PLEKHA6: variants seen among roughly 807,000 people sequenced by gnomAD.
PLEKHA6 encodes the protein pleckstrin homology domain-containing family A member 6.
PLEKHA6 carries 60 observed loss-of-function variants against 116.7 expected under a neutral mutation model. That is an observed-to-expected ratio of 0.51 (90% CI 0.42 to 0.64). PLEKHA6 has a LOEUF of 0.64. PLEKHA6 is among the 30% of genes least tolerant of loss of function. The pLI is 0.00. For synonymous variants in PLEKHA6, 489 were observed against 556.1 expected (o/e 0.88, Z 1.70); for missense variants, 1,338 against 1,422.7 (o/e 0.94, Z 0.96).
At position 204,268,273 on chromosome 1, in the gene PLEKHA6, G is replaced by A. The variant is rs757944921; in HGVS notation, c.142C>T (p.Arg48Cys). 1.6e-5 allele frequency: 25 copies of A among 1,612,398 alleles called. No homozygotes were observed. Among genetic ancestry groups the A allele is most frequent in the African/African-American group, 4.0e-5 (3 of 74,766 alleles). Residue 48 changes from arginine to cysteine, a missense_variant, in exon 4 of 23, where the codon CGC becomes TGC. Around this residue, in one of 3 missense-constraint regions of PLEKHA6, gnomAD observed 140 missense variants for 197.4 expected, o/e 0.71. Transcript: ENST00000272203. ...GGGTTCCGCTTCATGGAGTGTGAGC[G>A]CTTGCCAAAGGCGACGGCTTTGCGG... ...TARKAVAFGK[R>C]SHSMKRNPNA...
At chr1:204,361,458 C>T (rs950536689), upstream of PLEKHA6, among the ~76,000 whole-genome samples, 1 of 152,218 alleles carries the variant, frequency 6.6e-6, no homozygotes, top group Non-Finnish European at 1.5e-5. Flanking sequence ...AGACAGGGAC[C>T]TAGAGAGCTA....
intron 3 of PLEKHA6, among the ~76,000 whole-genome samples, chr1:204,367,156 C>T (rs1673679094): frequency 6.6e-6 from 1 of 152,126 alleles, no homozygotes; most frequent in Admixed American, 6.5e-5. Flanking sequence ...CCACCCCAGC[C>T]CAAAGAGCTC....
intron 1 of PLEKHA6, among the ~76,000 whole-genome samples, chr1:204,355,182 T>C (rs769700204): frequency 1.3e-5 from 2 of 152,264 alleles, no homozygotes; most frequent in African/African-American, 2.4e-5. Context: ...TCTTCAGATA[T>C]CTATGTTTCT....
intron 1 of PLEKHA6, among the ~76,000 whole-genome samples, chr1:204,290,859 G>A (rs543435873): frequency 2.0e-5 from 3 of 151,940 alleles, no homozygotes; most frequent in East Asian, 1.9e-4. Flanking sequence ...GCATGGTGGC[G>A]TGCACCTGTA....
At chr1:204,322,059 T>A (rs1307261553) in intron 1 of PLEKHA6, among the ~76,000 whole-genome samples, 1 of 152,248 alleles carries the variant, frequency 6.6e-6, no homozygotes, top group Admixed American at 6.5e-5. Context: ...TAGCCACTGT[T>A]ATCTATACCT....
chr1:204,360,580 G>A (rs1272109145), upstream of PLEKHA6, among the ~76,000 whole-genome samples: 1 of 152,066 alleles, frequency 6.6e-6, no homozygotes, highest in Non-Finnish European at 1.5e-5. Flanking sequence ...TACAGATAAG[G>A]GCTTCAGTTG....
rs538588581 is a variant in PLEKHA6, at chr1:204,350,345, A to G, written c.-95+9349T>C. ...CAAAAACAAAAACAAAAATAAAAAA[A>G]CCTTTCTTGCTCTTGCAGATGTTCC... is the stretch of plus-strand genomic sequence containing the variant. On this transcript the variant is annotated intron_variant, in intron 1 of 22. Coordinates refer to ENST00000272203, the MANE Select transcript of PLEKHA6 (RefSeq NM_014935.5). Among the ~76,000 whole-genome samples, 426 of 152,244 alleles carry G rather than the reference A, an allele frequency of 2.8e-3. 3 individuals are homozygous for G. The highest frequency in any genetic ancestry group is 9.9e-3 in the African/African-American group (411 of 41,536).
intron 1 of PLEKHA6, chr1:204,282,609 C>A: frequency 1.0e-6 from 1 of 977,294 alleles, no homozygotes; most frequent in Non-Finnish European, 1.2e-6. Context: ...TATTGAATAT[C>A]ATTCCCGGGT....
chr1:204,251,367 G>A (rs1664532539), intron 9 of PLEKHA6, among the ~76,000 whole-genome samples: 1 of 152,220 alleles, frequency 6.6e-6, no homozygotes. Flanking sequence ...AGTGAAGAAT[G>A]GAGGTGACAT....
chr1:204,343,343 C>A (rs1672913312), intron 1 of PLEKHA6, among the ~76,000 whole-genome samples: 1 of 152,178 alleles, frequency 6.6e-6, no homozygotes, highest in Non-Finnish European at 1.5e-5. Flanking sequence ...AAGCTTTTTA[C>A]ATGTATTAAT....
Position 204,320,516 on chromosome 1 carries a change from A to G in PLEKHA6, c.-95+39178T>C. 7.1e-6 allele frequency: 7 copies of G among 980,806 alleles called. No individual in the cohort carries two copies. The South Asian group carries it at 3.3e-4, about 46-fold the overall frequency. The allele number at this position is 980,806 out of a possible 1,614,324, so 60.8% of individuals were successfully genotyped here. ...GGTGCCTGCATGACTCAGGGAAACAACTAGAAACCATAACTTAGCAACTTG... is the reference window on the plus strand; with the variant it reads ...GGTGCCTGCATGACTCAGGGAAACAGCTAGAAACCATAACTTAGCAACTTG... On this transcript the variant is annotated intron_variant, in intron 1 of 22. Transcript: ENST00000272203.
intron 1 of PLEKHA6, among the ~76,000 whole-genome samples, chr1:204,282,967 G>A (rs535030500): frequency 2.6e-5 from 4 of 152,196 alleles, no homozygotes; most frequent in Non-Finnish European, 4.4e-5. Flanking sequence ...AATGTGGAAC[G>A]GATCCCAAGG....
At chr1:204,356,311 G>A (rs930121506) in intron 1 of PLEKHA6, among the ~76,000 whole-genome samples, 2 of 152,150 alleles carry the variant, frequency 1.3e-5, no homozygotes, top group Admixed American at 1.3e-4. Context: ...GGTGGTTCAC[G>A]CCTGTAATCC....
At position 204,249,224 on chromosome 1, in the gene PLEKHA6, C is replaced by T. The variant is rs773838618; in HGVS notation, c.1634G>A (p.Arg545Lys). The T allele has an allele frequency of 4.3e-6, 7 of 1,614,046 alleles. No homozygotes were observed. In the South Asian group the frequency reaches 7.7e-5, roughly 18 times the overall value. Residue 545 changes from arginine to lysine, a missense_variant, in exon 11 of 23, where the codon AGG becomes AAG. By Grantham distance (26) the Arg-to-Lys change is conservative. This residue lies in a region of PLEKHA6 where 1,136 missense variants were observed against 1,163.6 expected (regional missense o/e 0.98). Transcript: ENST00000272203. ...CTGCTGCACCAGCCGGTCCTGCTCC[C>T]TCACCACCTTGTTCTGCTCACACAA... ...GKLCEQNKVV[R>K]EQDRLVQQLR...
chr1:204,281,569 A>T lies in PLEKHA6; in HGVS notation c.-94-6760T>A, dbSNP rs943093251. On this transcript the variant is annotated intron_variant, in intron 1 of 22. Transcript: ENST00000272203. ...AGTAAGACCCCTGTCTCTAAAAAACAACAGAGCAAGACCCTCCTGTCTCTA... is the reference window on the plus strand; with the variant it reads ...AGTAAGACCCCTGTCTCTAAAAAACTACAGAGCAAGACCCTCCTGTCTCTA... Among the ~76,000 whole-genome samples, 109 of 152,036 alleles carry T rather than the reference A, an allele frequency of 7.2e-4. 2 individuals are homozygous for T. The highest frequency in any genetic ancestry group is 2.1e-4 in the Non-Finnish European group (14 of 67,984).
At chr1:204,295,383 G>A (rs968061817) in intron 1 of PLEKHA6, among the ~76,000 whole-genome samples, 6 of 151,928 alleles carry the variant, frequency 3.9e-5, no homozygotes, top group East Asian at 3.9e-4. Context: ...CCAGCTACTC[G>A]GGAGGCTGAG....
At position 204,265,046 on chromosome 1, in the gene PLEKHA6, T is replaced by C. The variant is rs948940668; in HGVS notation, c.281-4A>G. ...AGGATACTCTCTTCCTTCTCATCTG[T>C]CAGGGAGAGAGGCACAAGAAGGGTG... On this transcript the variant is annotated splice_polypyrimidine_tract_variant and splice_region_variant and intron_variant, in intron 5 of 22. Transcript: ENST00000272203. 1 of 1,605,930 alleles carries C rather than the reference T, an allele frequency of 6.2e-7. No homozygotes were observed. The highest frequency in any genetic ancestry group is 1.1e-5 in the South Asian group (1 of 90,854).
At chr1:204,330,401 C>T (rs1197789095) in intron 1 of PLEKHA6, among the ~76,000 whole-genome samples, 1 of 152,234 alleles carries the variant, frequency 6.6e-6, no homozygotes, top group Non-Finnish European at 1.5e-5. Context: ...AGAAGACTGA[C>T]TAAGAGAAGA....
chr1:204,358,476 A>G (rs3125166), intron 1 of PLEKHA6, among the ~76,000 whole-genome samples: 133,661 of 152,198 alleles, frequency 0.88, 58,673 homozygotes, highest in Middle Eastern at 0.9. Context: ...TGGCCTGGAA[A>G]ACAGGATTTG....
Sources: gnomAD v4.1 joint callset for allele counts (sites outside exome capture counted in the v4.1 genomes callset) on GRCh38, gnomAD v4.1.1 for gene constraint, gnomAD v4.1.1 regional missense constraint, MANE v1.5 for transcripts, NCBI Gene and HGNC (gene_info 2026-07-23, HGNC 2026-07-21) for gene names.